LRRC28: variants seen among roughly 807,000 people sequenced by gnomAD.
LRRC28 encodes the protein leucine rich repeat containing 28, also known as leucine-rich repeat-containing protein 28.
Under a neutral mutation model 45.7 loss-of-function variants are expected in LRRC28, and 39 were observed. That is an observed-to-expected ratio of 0.85 (90% CI 0.66 to 1.12). LRRC28 has a LOEUF of 1.12. Among genes scored for constraint, LRRC28 ranks in the 50% most tolerant of loss-of-function variants. The pLI is 0.00. For synonymous variants in LRRC28, 206 were observed against 178.8 expected (o/e 1.15, Z -1.22); for missense variants, 435 against 438.5 (o/e 0.99, Z 0.07).
intron 9 of LRRC28, among the ~76,000 whole-genome samples, chr15:99,385,600 T>C (rs1000338064): frequency 6.6e-6 from 1 of 152,268 alleles, no homozygotes; most frequent in African/African-American, 2.4e-5. Context: ...CTTAAAATTA[T>C]GTTGTTTAAG....
chr15:99,361,595 T>TAA, intron 8 of LRRC28, 84 bp downstream of exon 8: 14 of 1,180,244 alleles, frequency 1.2e-5, no homozygotes, highest in African/African-American at 6.2e-5. Flanking sequence ...CGTTCATCTT[T>TAA]AAAAAAAAAA....
chr15:99,270,236 C>T (rs2081438984), intron 2 of LRRC28, among the ~76,000 whole-genome samples: 1 of 152,172 alleles, frequency 6.6e-6, no homozygotes, highest in East Asian at 1.9e-4. Context: ...AGTGCCAAGA[C>T]TTCATTAGCT....
At chr15:99,257,727 G>A in intron 2 of LRRC28, 1 of 777,458 alleles carries the variant, frequency 1.3e-6, no homozygotes. Flanking sequence ...TACAGTAGAA[G>A]AGGATCTGGG....
At chr15:99,279,261 C>T (rs1380963836) in intron 3 of LRRC28, among the ~76,000 whole-genome samples, 2 of 152,104 alleles carry the variant, frequency 1.3e-5, no homozygotes, top group East Asian at 1.9e-4. Context: ...AATAATATTC[C>T]GTTGAATAGA....
intron 5 of LRRC28, among the ~76,000 whole-genome samples, chr15:99,312,990 G>T (rs1955468640): frequency 6.6e-6 from 1 of 152,136 alleles, no homozygotes; most frequent in Non-Finnish European, 1.5e-5. Context: ...AAAAGGAAGA[G>T]ATTTTCCAAC....
intron 5 of LRRC28, among the ~76,000 whole-genome samples, chr15:99,308,446 C>T (rs1048958807): frequency 2.0e-5 from 3 of 152,102 alleles, no homozygotes; most frequent in East Asian, 1.9e-4. Context: ...GTAGGAGGAT[C>T]GCTTAAGCTA....
At chr15:99,356,109 G>A (rs1047248427) in intron 7 of LRRC28, among the ~76,000 whole-genome samples, 2 of 152,164 alleles carry the variant, frequency 1.3e-5, no homozygotes, top group African/African-American at 4.8e-5. Flanking sequence ...TATTAATTAC[G>A]TTTAAGTGTT....
At position 99,333,931 on chromosome 15, in the gene LRRC28, G is replaced by A. The variant is rs771749227; in HGVS notation, c.394G>A (p.Asp132Asn). 9 of 1,613,880 alleles carry A rather than the reference G, an allele frequency of 5.6e-6. No individual in the cohort carries two copies. Among genetic ancestry groups the A allele is most frequent in the African/African-American group, 2.7e-5 (2 of 74,918 alleles). ...QLQFLPPEVG[D>N]LKELQTLDIS... is the part of the protein sequence containing the mutation. ...TTTGATTTTGGTTGTAGAGGTTGGCGATTTGAAGGAGCTGCAGACACTAGA... is the reference window on the plus strand; with the variant it reads ...TTTGATTTTGGTTGTAGAGGTTGGCAATTTGAAGGAGCTGCAGACACTAGA... The change falls in exon 6 of 10, where the codon GAT becomes AAT. Residue 132 changes from aspartate (D) to asparagine (N), a missense_variant. Physicochemically the swap from Asp to Asn is conservative, Grantham distance 23 (BLOSUM62 1). Transcript: ENST00000301981.
At chr15:99,373,284 A>G (rs1402421338) in intron 9 of LRRC28, among the ~76,000 whole-genome samples, 5 of 152,160 alleles carry the variant, frequency 3.3e-5, no homozygotes, top group African/African-American at 4.8e-5. Context: ...GTTCTTTTCA[A>G]TTGTGATTTA....
intron 5 of LRRC28, among the ~76,000 whole-genome samples, chr15:99,308,270 C>G (rs1488489221): frequency 6.6e-6 from 1 of 152,108 alleles, no homozygotes; most frequent in African/African-American, 2.4e-5. Context: ...AATGCTAGGT[C>G]TTCTGATTCT....
At chr15:99,348,684 G>A (rs1430229475) in intron 6 of LRRC28, among the ~76,000 whole-genome samples, 1 of 151,392 alleles carries the variant, frequency 6.6e-6, no homozygotes, top group African/African-American at 2.4e-5. Context: ...ATCAGGAAGT[G>A]AGATGCCTCC....
intron 5 of LRRC28, among the ~76,000 whole-genome samples, chr15:99,324,171 G>A (rs1261152319): frequency 1.3e-5 from 2 of 152,118 alleles, no homozygotes; most frequent in African/African-American, 4.8e-5. Context: ...AAATGACTAA[G>A]TGACTAATGG....
intron 9 of LRRC28, among the ~76,000 whole-genome samples, chr15:99,364,798 C>T (rs1957297232): frequency 1.3e-5 from 2 of 152,130 alleles, no homozygotes; most frequent in African/African-American, 4.8e-5. Flanking sequence ...AGGATGGTGT[C>T]TGGCAAGTAA....
rs1957272234 is a variant in LRRC28 at position 99,363,831 on chromosome 15, T to C, written c.1031+566T>C. On this transcript the variant is annotated intron_variant, in intron 9 of 9. Coordinates refer to ENST00000301981, the MANE Select transcript of LRRC28 (RefSeq NM_144598.5). Reference sequence around the variant, plus strand: ...CAATAGTTCTACTTTAAAAAAAGGATAGCAGCTAAAGATAGGCTCTCAAAT... The same window carrying C: ...CAATAGTTCTACTTTAAAAAAAGGACAGCAGCTAAAGATAGGCTCTCAAAT... Among the ~76,000 whole-genome samples the C allele has an allele frequency of 2.0e-5, 3 of 152,140 alleles. No homozygotes were observed. In the South Asian group the frequency reaches 6.2e-4, roughly 31 times the overall value.
chr15:99,348,144 TAA>T (rs1489333751), intron 6 of LRRC28, among the ~76,000 whole-genome samples: 4 of 152,226 alleles, frequency 2.6e-5, no homozygotes, highest in African/African-American at 9.6e-5. Context: ...TATTACGTTA[TAA>T]GAGTTCTTTA....
chr15:99,271,791 G>T (rs912802127), intron 2 of LRRC28, among the ~76,000 whole-genome samples: 1 of 152,140 alleles, frequency 6.6e-6, no homozygotes, highest in Non-Finnish European at 1.5e-5. Flanking sequence ...TAGAGATGAG[G>T]TTTGACCATG....
At chr15:99,375,551 T>A (rs908400803) in intron 9 of LRRC28, among the ~76,000 whole-genome samples, 32 of 152,188 alleles carry the variant, frequency 2.1e-4, no homozygotes. Flanking sequence ...TTTTCAAAAA[T>A]TTATCTTTTT....
chr15:99,306,849 G>T (rs1366846099), intron 5 of LRRC28, among the ~76,000 whole-genome samples: 1 of 152,178 alleles, frequency 6.6e-6, no homozygotes, highest in Non-Finnish European at 1.5e-5. Context: ...GAGTGTTTGA[G>T]CACGGGCTGC....
intron 1 of LRRC28, 85 bp from the exon 2 acceptor site, chr15:99,255,813 C>T (rs2081000088): frequency 1.4e-6 from 1 of 705,602 alleles, no homozygotes; most frequent in African/African-American, 1.8e-5. Flanking sequence ...TCAGTGTCTT[C>T]AAGTGGCTCT....
Sources: allele counts gnomAD v4.1 joint callset (sites outside exome capture counted in the v4.1 genomes callset), GRCh38; gene constraint gnomAD v4.1.1; transcripts MANE v1.5; gene names NCBI Gene and HGNC (gene_info 2026-07-23, HGNC 2026-07-21).